The following VAV2 variants were observed in gnomAD, a reference collection of about 807,000 sequenced individuals.
The protein encoded by VAV2 is vav guanine nucleotide exchange factor 2, also known as guanine nucleotide exchange factor VAV2.
A neutral mutation model predicts 132.5 loss-of-function variants in VAV2; 67 were observed. The observed-to-expected ratio is 0.51, with a 90% CI of 0.42 to 0.62. VAV2 has a LOEUF of 0.62. Ranked by LOEUF, VAV2 falls within the 20% of genes least tolerant of loss-of-function variation. The pLI is 0.00. For missense variants in VAV2, 938 were observed against 1,153.6 expected, an observed-to-expected ratio of 0.81 and a Z score of 2.71; for synonymous variants, 492 against 443.5, an observed-to-expected ratio of 1.11 and a Z score of -1.37.
chr9:133,860,726 A>G (rs1837561807), intron 3 of VAV2, among the ~76,000 whole-genome samples: 1 of 151,982 alleles, frequency 6.6e-6, no homozygotes, highest in African/African-American at 2.4e-5. Flanking sequence ...TCCCCACCCA[A>G]TCAGGAACCT....
chr9:133,925,489 A>G (rs2132088834), intron 2 of VAV2, among the ~76,000 whole-genome samples: 1 of 152,388 alleles, frequency 6.6e-6, no homozygotes, highest in South Asian at 2.1e-4. Flanking sequence ...AAGTGCTGGG[A>G]TTACAGGCAT....
At chr9:133,891,128 G>A (rs1366241727) in intron 2 of VAV2, among the ~76,000 whole-genome samples, 2 of 150,836 alleles carry the variant, frequency 1.3e-5, no homozygotes, top group Non-Finnish European at 2.9e-5. Context: ...CCCTGCTCAA[G>A]GTGCTCAGCA....
At chr9:133,780,249 C>G (rs1244418356) in intron 20 of VAV2, among the ~76,000 whole-genome samples, 1 of 152,230 alleles carries the variant, frequency 6.6e-6, no homozygotes, top group Non-Finnish European at 1.5e-5. Flanking sequence ...TGGTGTCCAT[C>G]TGGGACACAC....
At chr9:133,967,203 C>T (rs1368778318) in intron 1 of VAV2, among the ~76,000 whole-genome samples, 1 of 152,092 alleles carries the variant, frequency 6.6e-6, no homozygotes, top group Non-Finnish European at 1.5e-5. Flanking sequence ...GCCAAAACCA[C>T]AACGAGATAC....
At chr9:133,791,946 TG>T in intron 12 of VAV2, 77 bp from the exon 13 acceptor site, 1 of 376,092 alleles carries the variant, frequency 2.7e-6, no homozygotes, top group Non-Finnish European at 3.7e-6. Flanking sequence ...CAGGCTGTAC[TG>T]GGTGGGGTGT....
At chr9:133,797,365 G>T (rs1834760438) in intron 10 of VAV2, among the ~76,000 whole-genome samples, 1 of 151,934 alleles carries the variant, frequency 6.6e-6, no homozygotes, top group Non-Finnish European at 1.5e-5. Context: ...ATGAGGGGTG[G>T]GTGGTCCCAC....
intron 4 of VAV2, among the ~76,000 whole-genome samples, chr9:133,829,571 G>C (rs1836184903): frequency 1.3e-5 from 2 of 152,248 alleles, no homozygotes; most frequent in African/African-American, 4.8e-5. Context: ...GCCCAAGGAT[G>C]ATCTGTGACA....
At chr9:133,846,314 C>T (rs1030720600) in intron 3 of VAV2, among the ~76,000 whole-genome samples, 5 of 152,146 alleles carry the variant, frequency 3.3e-5, no homozygotes, top group African/African-American at 9.7e-5. Flanking sequence ...CACCTCCTGT[C>T]GGCACCTCCT....
At chr9:133,875,112 C>T (rs536255101) in intron 2 of VAV2, among the ~76,000 whole-genome samples, 1 of 152,344 alleles carries the variant, frequency 6.6e-6, no homozygotes, top group African/African-American at 2.4e-5. Flanking sequence ...GAGCGCTTCA[C>T]GGGATCACCT....
Position 133,919,749 on chromosome 9 carries a change from C to T in VAV2, c.321+19354G>A, listed in dbSNP as rs1840226503. 6.6e-6 allele frequency among the ~76,000 whole-genome samples: 1 copy of T among 152,178 alleles called. No homozygotes were observed. Among genetic ancestry groups the T allele is most frequent in the South Asian group, 2.1e-4 (1 of 4,826 alleles). Reference sequence around the variant, plus strand: ...GACGTGGCCAGTCTCAGGGGAGCAACACAAACAGCGCATTCTTGGCATCCG... The same window carrying T: ...GACGTGGCCAGTCTCAGGGGAGCAATACAAACAGCGCATTCTTGGCATCCG... On this transcript the variant is annotated intron_variant, in intron 2 of 29. Coordinates refer to ENST00000371850, the MANE Select transcript of VAV2 (RefSeq NM_001134398.2). This position sits in a 1 kb window ranked among gnomAD's most constrained non-coding sequence, Gnocchi z 5.8.
At position 133,969,736 on chromosome 9, in the gene VAV2, C is replaced by T. The variant is rs899752546; in HGVS notation, c.204+22339G>A. 6.6e-6 allele frequency among the ~76,000 whole-genome samples: 1 copy of T among 152,158 alleles called. No individual in the cohort carries two copies. Among genetic ancestry groups the T allele is most frequent in the Non-Finnish European group, 1.5e-5 (1 of 68,012 alleles). On this transcript the variant is annotated intron_variant, in intron 1 of 29. Coordinates refer to ENST00000371850, the MANE Select transcript of VAV2 (RefSeq NM_001134398.2). This position sits in a 1 kb window ranked among gnomAD's most constrained non-coding sequence, Gnocchi z 5.1. ...CCCAAGCCCACCCACTCCTCCTGCGCTCCAGCGGGGCCGTCCATCTCTCTC... is the reference window on the plus strand; with the variant it reads ...CCCAAGCCCACCCACTCCTCCTGCGTTCCAGCGGGGCCGTCCATCTCTCTC...
intron 4 of VAV2, 64 bp from the exon 5 acceptor site, chr9:133,812,280 A>G: frequency 6.5e-7 from 1 of 1,535,092 alleles, no homozygotes; most frequent in Non-Finnish European, 9.0e-7. Flanking sequence ...GGGGAGCCGC[A>G]GAGCACGAGG....
At chr9:133,764,138 G>C (rs753390123) in intron 29 of VAV2, 29 bp from the exon 30 acceptor site, 1 of 1,048,478 alleles carries the variant, frequency 9.5e-7, no homozygotes, top group Non-Finnish European at 1.3e-6. Flanking sequence ...TCGTGTCTGT[G>C]TGTGTGTGTG....
intron 3 of VAV2, among the ~76,000 whole-genome samples, chr9:133,841,168 T>G (rs112497994): frequency 6.6e-6 from 1 of 152,064 alleles, no homozygotes; most frequent in Non-Finnish European, 1.5e-5. Context: ...TGTGCTTCCA[T>G]GAGGACTGTG....
At chr9:133,809,255 C>G (rs932814463) in intron 6 of VAV2, 117 bp from the exon 7 acceptor site, 1 of 828,296 alleles carries the variant, frequency 1.2e-6, no homozygotes, top group African/African-American at 1.7e-5. Context: ...GGTTTGGCCA[C>G]GAGGTCACTG....
intron 1 of VAV2, among the ~76,000 whole-genome samples, chr9:133,981,931 C>A (rs1258576007): frequency 6.6e-6 from 1 of 152,250 alleles, no homozygotes; most frequent in Non-Finnish European, 1.5e-5. Context: ...ACGAAGAGGG[C>A]CTGGGAGAAA....
chr9:133,985,095 G>A (rs1842814161), intron 1 of VAV2, among the ~76,000 whole-genome samples: 1 of 152,056 alleles, frequency 6.6e-6, no homozygotes, highest in Admixed American at 6.6e-5. Flanking sequence ...AGACACATAT[G>A]GATACAGAGA....
intron 21 of VAV2, 33 bp downstream of exon 21, chr9:133,779,885 T>C (rs1421088679): frequency 1.9e-6 from 3 of 1,607,524 alleles, no homozygotes; most frequent in South Asian, 2.2e-5. Context: ...CTGACATGGG[T>C]GATAGCAGAG....
intron 3 of VAV2, among the ~76,000 whole-genome samples, chr9:133,854,534 G>A (rs1031384663): frequency 6.6e-6 from 1 of 152,226 alleles, no homozygotes; most frequent in Non-Finnish European, 1.5e-5. Context: ...CTACTGACCA[G>A]GGCAACAGAG....
Sources: allele counts gnomAD v4.1 joint callset (sites outside exome capture counted in the v4.1 genomes callset), GRCh38; gene constraint gnomAD v4.1.1; non-coding constraint Gnocchi (gnomAD v3.1); transcripts MANE v1.5; gene names NCBI Gene and HGNC (gene_info 2026-07-23, HGNC 2026-07-21).